Variants in PCNT observed in about 807,000 individuals in gnomAD.
PCNT encodes the protein kendrin.
Under a neutral mutation model 380.4 loss-of-function variants are expected in PCNT, and 319 were observed. The ratio of observed to expected loss-of-function variants is 0.84; its 90% CI spans 0.77 to 0.92. The LOEUF (loss-of-function observed/expected upper bound fraction) is 0.92, where lower values mean the gene tolerates loss of function less well. PCNT is among the 40% of genes least tolerant of loss of function. The probability of loss-of-function intolerance (pLI) is 0.00; values close to 1 mark genes in which losing one functional copy is unlikely to be tolerated. For synonymous variants in PCNT, 1,845 were observed against 1,735.2 expected (o/e 1.06, Z -1.57); for missense variants, 4,400 against 4,255.3 (o/e 1.03, Z -0.95).
intron 45 of PCNT, among the ~76,000 whole-genome samples, chr21:46,444,238 T>C (rs893928121): frequency 6.6e-5 from 10 of 152,078 alleles, no homozygotes; most frequent in Admixed American, 6.6e-5. Flanking sequence ...GAAGAAGGCA[T>C]GTTCCCTGCC....
Position 46,383,528 on chromosome 21 carries a change from C to T in PCNT, c.3312+1688C>T, listed in dbSNP as rs556672823. Among the ~76,000 whole-genome samples, 122 of 138,584 alleles carry T rather than the reference C, an allele frequency of 8.8e-4. 5 individuals are homozygous for T. Among genetic ancestry groups the T allele is most frequent in the South Asian group, 2.0e-3 (8 of 4,004 alleles). The allele number at this position is 138,584 out of a possible 152,430, so 90.9% of individuals were successfully genotyped here. On this transcript the variant is annotated intron_variant, in intron 16 of 46. Transcript: ENST00000359568. Reference sequence around the variant, plus strand: ...ATTCACCATGTTGTATATTCAGTGGCGGAAGCGCATTCACAGTGTTGTATA... The same window carrying T: ...ATTCACCATGTTGTATATTCAGTGGTGGAAGCGCATTCACAGTGTTGTATA...
intron 15 of PCNT, among the ~76,000 whole-genome samples, chr21:46,367,369 G>A (rs1338987408): frequency 6.7e-6 from 1 of 150,364 alleles, no homozygotes; most frequent in Non-Finnish European, 1.5e-5. Flanking sequence ...GTGCAGTGGC[G>A]CAATCTTGGC....
rs549429711 is a variant in PCNT, at chr21:46,368,304, T to C, written c.3165+1165T>C. ...ACTAAAAATCCAAAAAAAAATTAGC[T>C]GGGGGTGGTGGCGGACGCCTGTAGT... On this transcript the variant is annotated intron_variant, in intron 15 of 46. Transcript: ENST00000359568. 3.9e-4 allele frequency among the ~76,000 whole-genome samples: 60 copies of C among 151,950 alleles called. No homozygotes were observed. In the East Asian group the frequency reaches 9.3e-3, roughly 24 times the overall value.
rs370735505 is a variant in PCNT at position 46,416,328 on chromosome 21, G to A, written c.6410G>A (p.Gly2137Asp). Residue 2137 changes from glycine to aspartate, a missense_variant, in exon 30 of 47, where the codon GGT becomes GAT. Gly to Asp is a moderately conservative substitution (Grantham distance 94). Transcript: ENST00000359568. ...TGTGATGCCAATACAGCCACGGGGG[G>A]TGTAACTGATGTTATCAAAAATCAG... ...DTCDANTATG[G>D]VTDVIKNQAI... 1 of 1,613,786 alleles carries A rather than the reference G, an allele frequency of 6.2e-7. No individual in the cohort carries two copies. Among genetic ancestry groups the A allele is most frequent in the South Asian group, 1.1e-5 (1 of 91,040 alleles).
intron 3 of PCNT, among the ~76,000 whole-genome samples, chr21:46,341,663 G>T (rs1289806388): frequency 6.6e-6 from 1 of 151,534 alleles, no homozygotes; most frequent in Non-Finnish European, 1.5e-5. Flanking sequence ...CTCCACACCT[G>T]GCCTCCTGGA....
rs1189158979 is a variant in PCNT, at chr21:46,384,350, A to G, written c.3313-1482A>G. 2.7e-5 allele frequency among the ~76,000 whole-genome samples: 4 copies of G among 147,848 alleles called. 1 individual carries two copies. Among genetic ancestry groups the G allele is most frequent in the Admixed American group, 6.8e-5 (1 of 14,670 alleles). ...GTTGTGCATTCAGTGGCGGAAGCGCATTCACAGTGTTGTATATTCAGTGAC... is the reference window on the plus strand; with the variant it reads ...GTTGTGCATTCAGTGGCGGAAGCGCGTTCACAGTGTTGTATATTCAGTGAC... On this transcript the variant is annotated intron_variant, in intron 16 of 46. Coordinates refer to ENST00000359568, the MANE Select transcript of PCNT (RefSeq NM_006031.6).
intron 13 of PCNT, among the ~76,000 whole-genome samples, chr21:46,361,155 C>T (rs890327700): frequency 2.6e-5 from 4 of 152,118 alleles, no homozygotes; most frequent in African/African-American, 4.8e-5. Context: ...CTTTGGGAGG[C>T]GGGTGGATCA....
intron 21 of PCNT, among the ~76,000 whole-genome samples, chr21:46,394,874 C>T (rs1243026562): frequency 6.6e-6 from 1 of 152,214 alleles, no homozygotes; most frequent in Admixed American, 6.5e-5. Flanking sequence ...ATCCCCTGTG[C>T]CTGTTCAGCG....
At chr21:46,334,374 C>T in intron 2 of PCNT, 23 bp from the exon 3 acceptor site, 2 of 1,614,008 alleles carry the variant, frequency 1.2e-6, no homozygotes, top group South Asian at 1.1e-5. Flanking sequence ...TTAAATGCTT[C>T]TTTCTGGTCC....
In PCNT at chr21:46,411,930, C is replaced by G. The variant is rs540929476; in HGVS notation, c.5857C>G (p.Arg1953Gly). 1 of 1,592,466 alleles carries G rather than the reference C, an allele frequency of 6.3e-7. No individual in the cohort carries two copies. Among genetic ancestry groups the G allele is most frequent in the African/African-American group, 1.3e-5 (1 of 74,768 alleles). The change falls in exon 28 of 47, where the codon CGC (arginine) becomes GGC (glycine). Residue 1953 changes from arginine (R) to glycine (G), a missense_variant. By Grantham distance (125) the Arg-to-Gly change is moderately radical (BLOSUM62 -2). Coordinates refer to ENST00000359568, the MANE Select transcript of PCNT (RefSeq NM_006031.6). ...GGTGGAGCTGGACAGGCGGCAGGCC[C>G]GCAGAGCCACAGCTCACACACGGGT... ...CQVELDRRQA[R>G]RATAHTRVPG...
intron 42 of PCNT, among the ~76,000 whole-genome samples, chr21:46,440,404 G>C (rs1331363400): frequency 6.6e-6 from 1 of 152,234 alleles, no homozygotes; most frequent in South Asian, 2.1e-4. Flanking sequence ...TTCTGTGCTT[G>C]TTAAGCGTGG....
At chr21:46,387,533 G>A (rs927245381) in intron 17 of PCNT, among the ~76,000 whole-genome samples, 7 of 152,200 alleles carry the variant, frequency 4.6e-5, no homozygotes, top group African/African-American at 1.7e-4. Context: ...TCTTGAGGTG[G>A]GGTGGCTGCA....
At position 46,388,285 on chromosome 21, in the gene PCNT, C is replaced by T. The variant is rs2085911172; in HGVS notation, c.3465-457C>T. Among the ~76,000 whole-genome samples, 3 of 151,948 alleles carry T rather than the reference C, an allele frequency of 2.0e-5. No homozygotes were observed. The South Asian group carries it at 6.2e-4, about 32-fold the overall frequency. On this transcript the variant is annotated intron_variant, in intron 17 of 46. Coordinates refer to ENST00000359568, the MANE Select transcript of PCNT (RefSeq NM_006031.6). The surrounding 1 kb of genome is among the most constrained non-coding windows in gnomAD (Gnocchi z 4.2). The stretch of plus-strand genomic sequence containing the variant: ...GCGAGAGGCTGGGAGACACCATCCT[C>T]TTCCTGCCACACAACTCCTGTGAAT...
intron 44 of PCNT, among the ~76,000 whole-genome samples, chr21:46,443,441 T>C (rs111543170): frequency 9.3e-4 from 141 of 152,306 alleles, no homozygotes; most frequent in Middle Eastern, 3.4e-3. Flanking sequence ...AATGCTTTGA[T>C]TCAGCCTTCA....
At chr21:46,356,207 C>T (rs2084469047) in intron 12 of PCNT, among the ~76,000 whole-genome samples, 1 of 152,168 alleles carries the variant, frequency 6.6e-6, no homozygotes, top group African/African-American at 2.4e-5. Context: ...GATGGTGGGG[C>T]TGCCGTCCAT....
At position 46,363,696 on chromosome 21, in the gene PCNT, C is replaced by G; in HGVS notation, c.2371C>G (p.Leu791Val). The change falls in exon 14 of 47, where the codon CTT becomes GTT. Residue 791 changes from leucine to valine, a missense_variant. Coordinates refer to ENST00000359568, the MANE Select transcript of PCNT (RefSeq NM_006031.6). ...ACAGACCATCATAAACAAGTTTGAG[C>G]TTCGAGAAGCTGAAATGAGGCAGCT... Reference protein sequence around the residue: ...EKQTIINKFELREAEMRQLQD... With the variant: ...EKQTIINKFEVREAEMRQLQD... 1.2e-6 allele frequency: 2 copies of G among 1,614,220 alleles called. No homozygotes were observed. Among genetic ancestry groups the G allele is most frequent in the African/African-American group, 2.7e-5 (2 of 75,066 alleles).
intron 27 of PCNT, among the ~76,000 whole-genome samples, chr21:46,407,340 C>CTTTTT (rs899881614): frequency 0.041 from 4,324 of 106,050 alleles, 340 homozygotes; most frequent in Non-Finnish European, 0.057. Context: ...TATACTTTCT[C>CTTTTT]TTTTTTTTTT....
At chr21:46,380,321 C>T (rs2147125114) in intron 15 of PCNT, among the ~76,000 whole-genome samples, 1 of 151,734 alleles carries the variant, frequency 6.6e-6, no homozygotes, top group South Asian at 2.1e-4. Context: ...ACCACCACAC[C>T]CAGCTAATTT....
At chr21:46,403,494 G>A (rs1372440256) in intron 27 of PCNT, among the ~76,000 whole-genome samples, 2 of 124,248 alleles carry the variant, frequency 1.6e-5, no homozygotes, top group Non-Finnish European at 3.4e-5. Flanking sequence ...CAGCGTGGGA[G>A]AATTGTGTGT....
Sources: gnomAD v4.1 joint callset for allele counts (sites outside exome capture counted in the v4.1 genomes callset) on GRCh38, gnomAD v4.1.1 for gene constraint, Gnocchi (gnomAD v3.1) non-coding constraint, MANE v1.5 for transcripts, NCBI Gene and HGNC (gene_info 2026-07-23, HGNC 2026-07-21) for gene names.